Variants in REDIC1 observed in about 807,000 individuals in gnomAD.
REDIC1 encodes regulator of DNA class I crossover intermediates 1, also known as HEI10 Interacting Protein 1.
chr12:39,713,839 GTA>G, the REDIC1 span, among the ~76,000 whole-genome samples: 236 of 138,762 alleles, frequency 1.7e-3, 1 homozygote, highest in African/African-American at 5.9e-3. Flanking sequence ...GTATATACAC[GTA>G]TATATATGCA....
the REDIC1 span, among the ~76,000 whole-genome samples, chr12:39,902,491 A>C: frequency 5.9e-5 from 9 of 152,200 alleles, no homozygotes; most frequent in East Asian, 1.7e-3. Context: ...TAATAAATTA[A>C]ACAGTGGCAT....
the REDIC1 span, among the ~76,000 whole-genome samples, chr12:39,767,297 G>A: frequency 1.3e-5 from 1 of 76,338 alleles, no homozygotes; most frequent in East Asian, 4.5e-4. Context: ...TATTTTGAAA[G>A]GAATCTTTTT....
the REDIC1 span, among the ~76,000 whole-genome samples, chr12:39,711,792 T>C: frequency 2.3e-5 from 3 of 131,716 alleles, no homozygotes; most frequent in Admixed American, 7.3e-5. Context: ...TGTATGTGTG[T>C]GTACACATGC....
At chr12:39,830,077 T>C in the REDIC1 span, 372 of 1,612,888 alleles carry the variant, frequency 2.3e-4, 2 homozygotes, top group South Asian at 2.4e-3. Context: ...TTATTATATA[T>C]TCGTATGGTA....
chr12:39,871,648 T>C, the REDIC1 span: 1 of 674,708 alleles, frequency 1.5e-6, no homozygotes, highest in Non-Finnish European at 2.2e-6. Flanking sequence ...TCTTTTTTTT[T>C]TCTTTTTTGG....
the REDIC1 span, chr12:39,720,731 A>T: frequency 8.1e-7 from 1 of 1,236,986 alleles, no homozygotes; most frequent in Non-Finnish European, 1.2e-6. Flanking sequence ...GAAGTGATTG[A>T]ATGCATTTTT....
the REDIC1 span, among the ~76,000 whole-genome samples, chr12:39,780,178 T>C: frequency 6.6e-6 from 1 of 151,886 alleles, no homozygotes; most frequent in Non-Finnish European, 1.5e-5. Context: ...TTCAAAGCAA[T>C]AGCATCATTA....
At chr12:39,767,210 G>C in the REDIC1 span, among the ~76,000 whole-genome samples, 20 of 152,090 alleles carry the variant, frequency 1.3e-4, no homozygotes, top group South Asian at 1.2e-3. Context: ...TGTGTTAGCA[G>C]GTATGAAAAC....
the REDIC1 span, among the ~76,000 whole-genome samples, chr12:39,666,703 G>T: frequency 0.78 from 118,383 of 151,932 alleles, 47,121 homozygotes; most frequent in Non-Finnish European, 0.86. Context: ...TCCTGGACTT[G>T]TTTTGGTTGG....
At chr12:39,662,246 A>C in the REDIC1 span, among the ~76,000 whole-genome samples, 5 of 152,056 alleles carry the variant, frequency 3.3e-5, no homozygotes, top group Non-Finnish European at 7.4e-5. Context: ...TATTTTAACA[A>C]TACTCATTAT....
the REDIC1 span, among the ~76,000 whole-genome samples, chr12:39,708,335 C>T: frequency 6.6e-6 from 1 of 151,682 alleles, no homozygotes; most frequent in Non-Finnish European, 1.5e-5. Flanking sequence ...GTATGTTTTG[C>T]TATGTGGCAA....
At chr12:39,712,605 ATG>A in the REDIC1 span, among the ~76,000 whole-genome samples, 1 of 144,918 alleles carries the variant, frequency 6.9e-6, no homozygotes, top group Admixed American at 6.9e-5. Context: ...ATACATATAT[ATG>A]TATATATAGA....
At chr12:39,818,688 T>C in the REDIC1 span, among the ~76,000 whole-genome samples, 5 of 152,148 alleles carry the variant, frequency 3.3e-5, no homozygotes. Flanking sequence ...AGGTTTGGTA[T>C]ACTATCTTAG....
chr12:39,840,346 C>T, the REDIC1 span, among the ~76,000 whole-genome samples: 2 of 152,058 alleles, frequency 1.3e-5, no homozygotes, highest in East Asian at 1.9e-4. Flanking sequence ...TCTGTCCACT[C>T]CACTCTCTAC....
chr12:39,650,686 C>T, the REDIC1 span, among the ~76,000 whole-genome samples: 1 of 152,112 alleles, frequency 6.6e-6, no homozygotes, highest in Non-Finnish European at 1.5e-5. The surrounding 1 kb of genome is among the most constrained non-coding windows in gnomAD (Gnocchi z 4.3). Flanking sequence ...GATTCTCGTG[C>T]CTTAGCACCC....
chr12:39,712,982 CATGTGTATATACGTGTATAT>C, the REDIC1 span, among the ~76,000 whole-genome samples: 1 of 4,836 alleles, frequency 2.1e-4, no homozygotes, highest in Admixed American at 2.8e-3. Flanking sequence ...TGTATATATA[CATGTGTATATACGTGTATAT>C]GTATATATAC....
At chr12:39,834,295 G>C in the REDIC1 span, among the ~76,000 whole-genome samples, 4 of 151,866 alleles carry the variant, frequency 2.6e-5, no homozygotes, top group African/African-American at 7.3e-5. Context: ...AAGGGACTAG[G>C]CATGAATTTT....
At chr12:39,855,424 C>T in the REDIC1 span, among the ~76,000 whole-genome samples, 1 of 152,152 alleles carries the variant, frequency 6.6e-6, no homozygotes, top group Non-Finnish European at 1.5e-5. Context: ...TAAGGACTCT[C>T]ATGTAGGAAG....
chr12:39,678,361 T>C, the REDIC1 span, among the ~76,000 whole-genome samples: 2 of 151,790 alleles, frequency 1.3e-5, no homozygotes, highest in African/African-American at 2.4e-5. Context: ...TTCCTAGAAA[T>C]ATACAACCCT....
Sources: gnomAD v4.1 joint callset for allele counts (sites outside exome capture counted in the v4.1 genomes callset) on GRCh38, gnomAD v4.1.1 for gene constraint, Gnocchi (gnomAD v3.1) non-coding constraint, MANE v1.5 for transcripts, NCBI Gene and HGNC (gene_info 2026-07-23, HGNC 2026-07-21) for gene names.